Variants in TOGARAM2 observed in about 807,000 individuals in gnomAD.
TOGARAM2 encodes TOG array regulator of axonemal microtubules protein 2.
A neutral mutation model predicts 93.3 loss-of-function variants in TOGARAM2; 85 were observed. That is an observed-to-expected ratio of 0.91 (90% CI 0.76 to 1.09). The LOEUF is 1.09. TOGARAM2 is among the 50% of genes least tolerant of loss of function. The pLI, the probability that TOGARAM2 is intolerant of heterozygous loss-of-function variation, is 0.00. For missense variants in TOGARAM2, 1,277 were observed against 1,334.5 expected, an observed-to-expected ratio of 0.96 and a Z score of 0.67; for synonymous variants, 593 against 552.8, an observed-to-expected ratio of 1.07 and a Z score of -1.02.
intron 2 of TOGARAM2, among the ~76,000 whole-genome samples, chr2:28,997,292 G>A (rs1240180165): frequency 6.6e-6 from 1 of 152,204 alleles, no homozygotes; most frequent in African/African-American, 2.4e-5. Context: ...GCAAAAGATG[G>A]AAGGCTTCTT....
chr2:28,960,730 T>C (rs548910921), intron 1 of TOGARAM2, among the ~76,000 whole-genome samples: 1 of 152,374 alleles, frequency 6.6e-6, no homozygotes, highest in African/African-American at 2.4e-5. Context: ...CCAGTACAAC[T>C]TTCTGTGATG....
upstream of TOGARAM2, among the ~76,000 whole-genome samples, chr2:28,976,694 C>G (rs1672043499): frequency 1.3e-5 from 2 of 152,242 alleles, no homozygotes; most frequent in East Asian, 1.9e-4. Context: ...CTGTGTGACT[C>G]CATCATCTGC....
At chr2:29,037,168 G>T (rs72788156) in intron 18 of TOGARAM2, among the ~76,000 whole-genome samples, 1 of 152,000 alleles carries the variant, frequency 6.6e-6, no homozygotes, top group African/African-American at 2.4e-5. Flanking sequence ...AAGAAAAAAC[G>T]GTGGGAGCTA....
intron 15 of TOGARAM2, 137 bp from the exon 16 acceptor site, chr2:29,033,332 T>C: frequency 1.2e-6 from 1 of 846,198 alleles, no homozygotes; most frequent in Non-Finnish European, 1.9e-6. Flanking sequence ...TTCAGGGCTC[T>C]GGAAGGCTCA....
chr2:29,036,509 C>A (rs1291248078), intron 17 of TOGARAM2, 32 bp from the exon 18 acceptor site: 5 of 1,611,634 alleles, frequency 3.1e-6, no homozygotes, highest in Non-Finnish European at 4.2e-6. Context: ...GCCTGGGTTC[C>A]CATGGGCTCT....
intron 14 of TOGARAM2, among the ~76,000 whole-genome samples, chr2:29,031,211 T>G (rs1451367463): frequency 6.6e-6 from 1 of 152,198 alleles, no homozygotes; most frequent in African/African-American, 2.4e-5. Flanking sequence ...CAGGTTGGAG[T>G]GCAGTGGCTA....
In TOGARAM2 at chr2:29,014,415, C is replaced by A. The variant is rs1451090681; in HGVS notation, c.898C>A (p.Pro300Thr). Residue 300 changes from proline (P) to threonine (T), a missense_variant, in exon 8 of 20, where the codon CCC (proline) becomes ACC (threonine). Pro to Thr is a conservative substitution (Grantham distance 38). Coordinates refer to ENST00000379558, the MANE Select transcript of TOGARAM2 (RefSeq NM_199280.4). ...CTCAGAGCCAAAACCTTTGGCCTCACCCATCAGAGACAGGCCTGCCGCTGC... is the reference window on the plus strand; with the variant it reads ...CTCAGAGCCAAAACCTTTGGCCTCAACCATCAGAGACAGGCCTGCCGCTGC... ...ASLEPKPLAS[P>T]IRDRPAAAKK... is the part of the protein sequence containing the mutation. 2 of 1,610,410 alleles carry A rather than the reference C, an allele frequency of 1.2e-6. No homozygotes were observed. The highest frequency in any genetic ancestry group is 3.4e-5 in the Admixed American group (2 of 59,562).
intron 18 of TOGARAM2, among the ~76,000 whole-genome samples, chr2:29,037,031 C>G (rs1666156360): frequency 6.6e-6 from 1 of 152,118 alleles, no homozygotes; most frequent in Admixed American, 6.5e-5. Flanking sequence ...AAATGACCCC[C>G]CAGGGTCACA....
chr2:28,968,826 AAAAAAAAAAAAAAAC>A (rs1158433416), intron 1 of TOGARAM2, among the ~76,000 whole-genome samples: 26 of 124,674 alleles, frequency 2.1e-4, no homozygotes, highest in African/African-American at 7.4e-4. Flanking sequence ...AAAAAAAAAA[AAAAAAAAAAAAAAAC>A]AAGGAAAAAG....
intron 14 of TOGARAM2, among the ~76,000 whole-genome samples, chr2:29,029,625 G>A (rs927768371): frequency 1.5e-4 from 22 of 149,592 alleles, no homozygotes; most frequent in Admixed American, 1.0e-3. Context: ...GTGTGGTGGC[G>A]GGTGCCTGTA....
At chr2:28,979,960 A>G (rs1332260155), upstream of TOGARAM2, among the ~76,000 whole-genome samples, 1 of 152,168 alleles carries the variant, frequency 6.6e-6, no homozygotes, top group Non-Finnish European at 1.5e-5. Flanking sequence ...CTGGGTTCCC[A>G]TGGTTGAGTC....
upstream of TOGARAM2, among the ~76,000 whole-genome samples, chr2:28,979,111 C>G (rs1043913189): frequency 3.9e-5 from 6 of 152,060 alleles, no homozygotes; most frequent in Admixed American, 2.0e-4. Flanking sequence ...TGGCTGCCCT[C>G]CCCACCTGGA....
chr2:28,963,756 C>G (rs2148215452), intron 1 of TOGARAM2, among the ~76,000 whole-genome samples: 1 of 152,228 alleles, frequency 6.6e-6, no homozygotes, highest in Middle Eastern at 3.4e-3. Context: ...GCCTGTAATC[C>G]CAGCAGTTTG....
At chr2:28,978,055 C>T (rs934556336), upstream of TOGARAM2, among the ~76,000 whole-genome samples, 2 of 152,108 alleles carry the variant, frequency 1.3e-5, no homozygotes, top group African/African-American at 2.4e-5. Context: ...TACAGGCATG[C>T]GCCACCATGC....
At chr2:29,038,144 A>T (rs1371541982) in intron 18 of TOGARAM2, among the ~76,000 whole-genome samples, 1 of 152,138 alleles carries the variant, frequency 6.6e-6, no homozygotes, top group Non-Finnish European at 1.5e-5. Context: ...TACCCCTACT[A>T]GACTGGGCAT....
chr2:29,014,178 G>A (rs946194053), intron 7 of TOGARAM2, among the ~76,000 whole-genome samples: 1 of 152,208 alleles, frequency 6.6e-6, no homozygotes, highest in African/African-American at 2.4e-5. Flanking sequence ...AATAAAGTGT[G>A]CAGTGAATGA....
At chr2:28,966,175 G>C (rs1671864229) in intron 1 of TOGARAM2, among the ~76,000 whole-genome samples, 1 of 151,866 alleles carries the variant, frequency 6.6e-6, no homozygotes, top group Non-Finnish European at 1.5e-5. Flanking sequence ...ATTTTTATTA[G>C]AGACAGGGTT....
chr2:29,040,186 T>TA (rs1666347409), intron 18 of TOGARAM2, among the ~76,000 whole-genome samples: 1 of 152,242 alleles, frequency 6.6e-6, no homozygotes, highest in Admixed American at 6.5e-5. Flanking sequence ...TTTCCCTTGT[T>TA]AAAAATCATA....
intron 6 of TOGARAM2, among the ~76,000 whole-genome samples, chr2:29,006,169 ATG>A (rs1558424612): frequency 2.5e-5 from 3 of 121,108 alleles, no homozygotes; most frequent in Non-Finnish European, 5.1e-5. Flanking sequence ...ATGTGTGAGC[ATG>A]TGTGACCACA....
Sources: gnomAD v4.1 joint callset for allele counts (sites outside exome capture counted in the v4.1 genomes callset) on GRCh38, gnomAD v4.1.1 for gene constraint, MANE v1.5 for transcripts, NCBI Gene and HGNC (gene_info 2026-07-23, HGNC 2026-07-21) for gene names.